The following ATAD5 variants were observed in gnomAD, a reference collection of about 807,000 sequenced individuals.
The protein encoded by ATAD5 is ATPase family AAA domain-containing protein 5.
ATAD5 carries 58 observed loss-of-function variants against 176.9 expected under a neutral mutation model. The observed-to-expected ratio is 0.33, with a 90% CI of 0.27 to 0.41. ATAD5 has a LOEUF of 0.41. ATAD5 is among the 10% of genes least tolerant of loss of function. The pLI is 1.00. For synonymous variants in ATAD5, 640 were observed against 712.6 expected (o/e 0.90, Z 1.62); for missense variants, 1,789 against 2,094.1 (o/e 0.85, Z 2.84).
chr17:30,857,222 A>T (rs1209347009), intron 8 of ATAD5, 110 bp downstream of exon 8: 239 of 961,790 alleles, frequency 2.5e-4, no homozygotes, highest in South Asian at 6.6e-4. Context: ...CTAGAGTTTA[A>T]TTTTTTTTTT....
Position 30,842,085 on chromosome 17 carries a change from A to G in ATAD5, c.2241+1304A>G, listed in dbSNP as rs916584142. ...GGAGTTTGAGACCAGTCTGACCAAC[A>G]TGGTGAAACCCCGTCTTTACTAAAA... is the stretch of plus-strand genomic sequence containing the variant. On this transcript the variant is annotated intron_variant, in intron 4 of 22. Coordinates refer to ENST00000321990, the MANE Select transcript of ATAD5 (RefSeq NM_024857.5). Among the ~76,000 whole-genome samples the G allele has an allele frequency of 2.6e-5, 4 of 152,286 alleles. No individual in the cohort carries two copies. In the South Asian group the frequency reaches 8.3e-4, roughly 32 times the overall value.
chr17:30,884,583 C>A (rs1285464444), intron 18 of ATAD5, among the ~76,000 whole-genome samples: 1 of 150,888 alleles, frequency 6.6e-6, no homozygotes, highest in Non-Finnish European at 1.5e-5. Context: ...CACGTGCCAC[C>A]ATGCCCTGCT....
chr17:30,836,924 C>A (rs1206453043), intron 2 of ATAD5, among the ~76,000 whole-genome samples: 2 of 152,118 alleles, frequency 1.3e-5, no homozygotes, highest in African/African-American at 4.8e-5. Flanking sequence ...TTTTTTCCTC[C>A]TGTTTCAGAA....
chr17:30,890,332 T>C (rs1909564999), intron 19 of ATAD5, among the ~76,000 whole-genome samples: 1 of 151,870 alleles, frequency 6.6e-6, no homozygotes, highest in South Asian at 2.1e-4. Context: ...AACTTTTTGA[T>C]ATACCACTAG....
At chr17:30,853,165 C>A (rs557939182) in intron 6 of ATAD5, among the ~76,000 whole-genome samples, 20 of 152,210 alleles carry the variant, frequency 1.3e-4, no homozygotes, top group African/African-American at 3.6e-4. Flanking sequence ...GCTGGGATTA[C>A]AGGCATGAGC....
Position 30,857,025 on chromosome 17 carries a change from A to G in ATAD5, c.2706A>G (p.Lys902=). The change falls in exon 8 of 23, where the codon AAA becomes AAG. Residue 902 remains lysine (K), a synonymous_variant. Transcript: ENST00000321990. The stretch of plus-strand genomic sequence containing the variant: ...CTAAATTTAAAGAACTGAACACTAA[A>G]GTAATAGATCTCTCAAAATGTGGTA... ...LLTKFKELNT[K]VIDLSKCGIA... The G allele has an allele frequency of 6.2e-7, 1 of 1,609,692 alleles. No homozygotes were observed. Among genetic ancestry groups the G allele is most frequent in the South Asian group, 1.1e-5 (1 of 89,720 alleles).
intron 10 of ATAD5, chr17:30,865,069 G>A (rs1597978138): frequency 6.7e-6 from 1 of 149,498 alleles, no homozygotes; most frequent in South Asian, 2.1e-4. Context: ...GTGTCTTTTT[G>A]GTAGAACAGT....
At chr17:30,894,242 T>C (rs1466936273) in intron 21 of ATAD5, 92 bp downstream of exon 21, 8 of 1,126,462 alleles carry the variant, frequency 7.1e-6, no homozygotes, top group Non-Finnish European at 9.8e-6. Context: ...AATGCTGTAC[T>C]ATTGATCATG....
Position 30,855,187 on chromosome 17 carries a change from A to C in ATAD5, c.2495A>C (p.Lys832Thr), listed in dbSNP as rs1907220791. 1 of 1,612,510 alleles carries C rather than the reference A, an allele frequency of 6.2e-7. No homozygotes were observed. The highest frequency in any genetic ancestry group is 1.3e-5 in the African/African-American group (1 of 74,838). ...EKSQDCDVQC[K>T]AKRDFLMSGL... ...TCTCAGGATTGTGATGTTCAATGTAAAGCAAAGCGTGACTTCCTAATGAGT... is the reference window on the plus strand; with the variant it reads ...TCTCAGGATTGTGATGTTCAATGTACAGCAAAGCGTGACTTCCTAATGAGT... The change falls in exon 7 of 23, where the codon AAA becomes ACA. Residue 832 changes from lysine (K) to threonine (T), a missense_variant. Coordinates refer to ENST00000321990, the MANE Select transcript of ATAD5 (RefSeq NM_024857.5).
In ATAD5 at chr17:30,834,178, A is replaced by G. The variant is rs200684468; in HGVS notation, c.97A>G (p.Thr33Ala). ...PCKKRKKDDD[T>A]STCKTITKYL... Reference sequence around the variant, plus strand: ...CAAAAAGCGAAAGAAAGATGATGACACATCTACCTGCAAAACAATTACAAA... The same window carrying G: ...CAAAAAGCGAAAGAAAGATGATGACGCATCTACCTGCAAAACAATTACAAA... Residue 33 changes from threonine (T) to alanine (A), a missense_variant, in exon 2 of 23, where the codon ACA becomes GCA. By Grantham distance (58) the Thr-to-Ala change is moderately conservative. Coordinates refer to ENST00000321990, the MANE Select transcript of ATAD5 (RefSeq NM_024857.5). 38 of 1,578,786 alleles carry G rather than the reference A, an allele frequency of 2.4e-5. No homozygotes were observed. Among genetic ancestry groups the G allele is most frequent in the East Asian group, 2.0e-4 (9 of 44,252 alleles).
At chr17:30,886,198 G>A (rs746627106) in intron 18 of ATAD5, among the ~76,000 whole-genome samples, 2 of 146,190 alleles carry the variant, frequency 1.4e-5, no homozygotes, top group Non-Finnish European at 3.0e-5. Context: ...AATTGTCTTT[G>A]TTAGCTTTAA....
In ATAD5 at chr17:30,869,545, C is replaced by A; in HGVS notation, c.3506C>A (p.Ser1169Tyr). 2.5e-6 allele frequency: 4 copies of A among 1,612,718 alleles called. No homozygotes were observed. Among genetic ancestry groups the A allele is most frequent in the Non-Finnish European group, 3.4e-6 (4 of 1,179,758 alleles). The change falls in exon 14 of 23, where the codon TCT becomes TAT. Residue 1169 changes from serine (S) to tyrosine (Y), a missense_variant. This residue lies in a region of ATAD5 where 194 missense variants were observed against 270.1 expected (regional missense o/e 0.72). Coordinates refer to ENST00000321990, the MANE Select transcript of ATAD5 (RefSeq NM_024857.5). ...SSQRSGRQIL[S>Y]QLKEATQSHQ... ...CAGCGCAGTGGTAGACAAATTCTAT[C>A]TCAGTTGAAGGAAGCTACTCAGTCC...
intron 14 of ATAD5, 26 bp downstream of exon 14, chr17:30,869,672 A>G: frequency 6.4e-7 from 1 of 1,561,242 alleles, no homozygotes; most frequent in Non-Finnish European, 8.6e-7. Context: ...TCCTTAAGCC[A>G]TAATGTTTTG....
Position 30,887,215 on chromosome 17 carries a change from A to T in ATAD5, c.4101A>T (p.Gln1367His). 1 of 1,587,860 alleles carries T rather than the reference A, an allele frequency of 6.3e-7. No homozygotes were observed. The highest frequency in any genetic ancestry group is 8.5e-7 in the Non-Finnish European group (1 of 1,171,332). ...AGCTAAATGTTGCCAGCTACCTACA[A>T]ATGATTTGCTTAACTGAGAATTTTA... ...PSLLNVASYLQMICLTENFRT... is the reference protein window; with the variant it reads ...PSLLNVASYLHMICLTENFRT... Residue 1367 changes from glutamine to histidine, a missense_variant, in exon 19 of 23, where the codon CAA (glutamine) becomes CAT (histidine). By Grantham distance (24) the Gln-to-His change is conservative. Around this residue, in one of 6 missense-constraint regions of ATAD5, gnomAD observed 194 missense variants for 270.1 expected, o/e 0.72. Coordinates refer to ENST00000321990, the MANE Select transcript of ATAD5 (RefSeq NM_024857.5).
rs1341701634 is a variant in ATAD5 at position 30,832,394 on chromosome 17, T to G, written c.47T>G (p.Val16Gly). 6.4e-7 allele frequency: 1 copy of G among 1,563,192 alleles called. No homozygotes were observed. Among genetic ancestry groups the G allele is most frequent in the South Asian group, 1.2e-5 (1 of 84,788 alleles). Residue 16 changes from valine to glycine, a missense_variant, in exon 1 of 23, where the codon GTG becomes GGG. This residue lies in a region of ATAD5 where 696 missense variants were observed against 712.5 expected (regional missense o/e 0.98). Transcript: ENST00000321990. ...GCGGCTGCAGCTGCTCCGCCTCCCG[T>G]GAAGGACTGCGAGATTGAGGTGAGG... Reference protein sequence around the residue: ...AMAAAAAPPPVKDCEIEPCKK... With the variant: ...AMAAAAAPPPGKDCEIEPCKK...
rs1396340225 is a variant in ATAD5 at position 30,858,150 on chromosome 17, C to G, written c.2794-11C>G. The stretch of plus-strand genomic sequence containing the variant: ...TTGGTCTGTTATTGTGCATTTTATT[C>G]TTTATTGCAGTTCATGAGGACAAGG... On this transcript the variant is annotated splice_polypyrimidine_tract_variant and intron_variant, in intron 8 of 22. Coordinates refer to ENST00000321990, the MANE Select transcript of ATAD5 (RefSeq NM_024857.5). The G allele has an allele frequency of 6.6e-7, 1 of 1,522,736 alleles. No homozygotes were observed. Among genetic ancestry groups the G allele is most frequent in the Non-Finnish European group, 8.8e-7 (1 of 1,135,514 alleles). 94.3% of individuals were successfully genotyped at this position (1,522,736 alleles called of 1,614,324 possible). A position where few individuals can be genotyped will look rare whatever the true frequency, so the allele number is the denominator to read the frequency against.
intron 19 of ATAD5, among the ~76,000 whole-genome samples, chr17:30,888,838 C>T (rs544065344): frequency 3.9e-5 from 6 of 152,066 alleles, no homozygotes; most frequent in East Asian, 1.9e-4. Context: ...AAGGCCGAGG[C>T]GGTTAGATCA....
chr17:30,884,858 C>A (rs1174080464), intron 18 of ATAD5, among the ~76,000 whole-genome samples: 6 of 150,204 alleles, frequency 4.0e-5, no homozygotes, highest in Admixed American at 4.0e-4. Flanking sequence ...CGCCATTCTC[C>A]TGCCTCAGCC....
chr17:30,869,571 C>T lies in ATAD5; in HGVS notation c.3532C>T (p.His1178Tyr), dbSNP rs1427604293. The T allele has an allele frequency of 1.2e-6, 2 of 1,610,082 alleles. No individual in the cohort carries two copies. Among genetic ancestry groups the T allele is most frequent in the Non-Finnish European group, 1.7e-6 (2 of 1,179,092 alleles). The change falls in exon 14 of 23, where the codon CAT becomes TAT. Residue 1178 changes from histidine (H) to tyrosine (Y), a missense_variant. By Grantham distance (83) the His-to-Tyr change is moderately conservative (BLOSUM62 2). Around this residue, in one of 6 missense-constraint regions of ATAD5, gnomAD observed 194 missense variants for 270.1 expected, o/e 0.72. Coordinates refer to ENST00000321990, the MANE Select transcript of ATAD5 (RefSeq NM_024857.5). Reference protein sequence around the residue: ...LSQLKEATQSHQVDKQGVNSQ... With the variant: ...LSQLKEATQSYQVDKQGVNSQ... ...TCAGTTGAAGGAAGCTACTCAGTCCCATCAAGTAGACAAACAAGGTGTAAA... is the reference window on the plus strand; with the variant it reads ...TCAGTTGAAGGAAGCTACTCAGTCCTATCAAGTAGACAAACAAGGTGTAAA...
Sources: allele counts gnomAD v4.1 joint callset (sites outside exome capture counted in the v4.1 genomes callset), GRCh38; gene constraint gnomAD v4.1.1; regional missense constraint gnomAD v4.1.1; transcripts MANE v1.5; gene names NCBI Gene and HGNC (gene_info 2026-07-23, HGNC 2026-07-21).